PRKG1: variants seen among roughly 807,000 people sequenced by gnomAD.
PRKG1 encodes cGMP-dependent protein kinase 1.
Under a neutral mutation model 88.1 loss-of-function variants are expected in PRKG1, and 35 were observed. That is an observed-to-expected ratio of 0.40 (90% confidence interval 0.30 to 0.53). The LOEUF (loss-of-function observed/expected upper bound fraction) is 0.53. PRKG1 is among the 20% of genes least tolerant of loss of function. The pLI is 0.59. For missense variants in PRKG1, 540 were observed against 839.8 expected (o/e 0.64, Z 4.41); for synonymous variants, 303 against 292.5 (o/e 1.04, Z -0.37).
At chr10:52,107,281 G>T (rs1271538393) in intron 7 of PRKG1, among the ~76,000 whole-genome samples, 1 of 152,212 alleles carries the variant, frequency 6.6e-6, no homozygotes, top group Non-Finnish European at 1.5e-5. Context: ...CCTCTTTTGA[G>T]AAAGAAGTAC....
chr10:51,503,714 TA>T (rs145179960), intron 3 of PRKG1, among the ~76,000 whole-genome samples: 35,648 of 152,058 alleles, frequency 0.23, 4,750 homozygotes, highest in Non-Finnish European at 0.31. Context: ...TGCATCTGGG[TA>T]AAAATAAAAA....
chr10:51,465,655 G>A (rs1419076887), intron 2 of PRKG1, among the ~76,000 whole-genome samples: 2 of 152,098 alleles, frequency 1.3e-5, no homozygotes, highest in Non-Finnish European at 2.9e-5. Flanking sequence ...TTTCTTCTTT[G>A]GATGTGATCT....
intron 3 of PRKG1, among the ~76,000 whole-genome samples, chr10:51,567,567 A>G (rs1648738681): frequency 6.6e-6 from 1 of 152,064 alleles, no homozygotes; most frequent in African/African-American, 2.4e-5. Context: ...TGCAAAATGC[A>G]ATTAACTGGT....
chr10:51,691,553 C>T (rs975186266), intron 3 of PRKG1, among the ~76,000 whole-genome samples: 2 of 152,124 alleles, frequency 1.3e-5, no homozygotes, highest in African/African-American at 4.8e-5. Flanking sequence ...TGGACACAAG[C>T]GATCCTCCAG....
chr10:51,519,020 A>C (rs1221121893), intron 3 of PRKG1, among the ~76,000 whole-genome samples: 1 of 152,208 alleles, frequency 6.6e-6, no homozygotes, highest in Admixed American at 6.5e-5. Context: ...TGTGCTCTGT[A>C]ATTCAGAAAG....
intron 9 of PRKG1, among the ~76,000 whole-genome samples, chr10:52,221,856 A>G (rs1307485010): frequency 6.6e-6 from 1 of 152,218 alleles, no homozygotes; most frequent in Non-Finnish European, 1.5e-5. Flanking sequence ...GTAAAAAGCT[A>G]GCAAACACTA....
chr10:51,000,464 T>A (rs563831235), intron 1 of PRKG1, among the ~76,000 whole-genome samples: 10 of 152,330 alleles, frequency 6.6e-5, no homozygotes, highest in African/African-American at 2.4e-4. Flanking sequence ...AAAATCAGAA[T>A]CTTGACTCTG....
At chr10:51,287,008 G>T (rs964511348) in intron 2 of PRKG1, among the ~76,000 whole-genome samples, 2 of 152,244 alleles carry the variant, frequency 1.3e-5, no homozygotes, top group Admixed American at 1.3e-4. Flanking sequence ...CTCCCAAGTA[G>T]CTGTGTCTAC....
chr10:51,820,860 T>C (rs543042058), intron 4 of PRKG1, among the ~76,000 whole-genome samples: 2 of 152,306 alleles, frequency 1.3e-5, no homozygotes, highest in South Asian at 2.1e-4. Context: ...GTATTTTTTA[T>C]TTCAGTATAT....
At chr10:51,335,607 C>T (rs532971696) in intron 2 of PRKG1, among the ~76,000 whole-genome samples, 2 of 152,204 alleles carry the variant, frequency 1.3e-5, no homozygotes, top group South Asian at 4.1e-4. Context: ...TGTCGGCTTA[C>T]TGCAAACTCG....
chr10:51,623,460 C>A (rs904519356), intron 3 of PRKG1, among the ~76,000 whole-genome samples: 2 of 152,324 alleles, frequency 1.3e-5, no homozygotes, highest in East Asian at 3.9e-4. Flanking sequence ...CTTCAGCCTG[C>A]CAAAGTGCTG....
chr10:51,157,226 C>T (rs1239177389), intron 2 of PRKG1, among the ~76,000 whole-genome samples: 2 of 151,832 alleles, frequency 1.3e-5, no homozygotes, highest in African/African-American at 4.8e-5. Context: ...TATTTTCAAG[C>T]AAAATGAGTT....
At chr10:51,942,910 G>C (rs1226754380) in intron 5 of PRKG1, among the ~76,000 whole-genome samples, 1 of 151,056 alleles carries the variant, frequency 6.6e-6, no homozygotes, top group Non-Finnish European at 1.5e-5. Flanking sequence ...TTGTTCTTTT[G>C]GCTTAGGATT....
intron 3 of PRKG1, among the ~76,000 whole-genome samples, chr10:51,671,083 T>C (rs1589181298): frequency 6.6e-6 from 1 of 152,228 alleles, no homozygotes; most frequent in East Asian, 1.9e-4. Context: ...TTCTAAAGTA[T>C]ATTTTTAGAA....
At chr10:51,227,369 A>T (rs1235823031) in intron 2 of PRKG1, among the ~76,000 whole-genome samples, 3 of 152,170 alleles carry the variant, frequency 2.0e-5, no homozygotes, top group Non-Finnish European at 4.4e-5. Context: ...TCTTGAGGAT[A>T]CTGTGTATGC....
intron 3 of PRKG1, among the ~76,000 whole-genome samples, chr10:51,758,558 T>A: frequency 6.6e-6 from 1 of 152,188 alleles, no homozygotes. Flanking sequence ...GGAAGCAAAC[T>A]AGTCTTGGTT....
At chr10:51,825,131 G>A (rs1402541580) in intron 4 of PRKG1, among the ~76,000 whole-genome samples, 1 of 152,104 alleles carries the variant, frequency 6.6e-6, no homozygotes, top group East Asian at 1.9e-4. Flanking sequence ...TGTAAGAATA[G>A]GTCACTGTAG....
chr10:52,099,155 G>A (rs1847240343), intron 7 of PRKG1, among the ~76,000 whole-genome samples: 1 of 151,964 alleles, frequency 6.6e-6, no homozygotes, highest in South Asian at 2.1e-4. Context: ...CAGTTACACA[G>A]AATACTTTCA....
intron 3 of PRKG1, among the ~76,000 whole-genome samples, chr10:51,693,371 T>G (rs1841196049): frequency 6.6e-6 from 1 of 151,964 alleles, no homozygotes; most frequent in Non-Finnish European, 1.5e-5. Flanking sequence ...GTTTGTTATT[T>G]TTAATGATGT....
Sources: gnomAD v4.1 joint callset for allele counts (sites outside exome capture counted in the v4.1 genomes callset) on GRCh38, gnomAD v4.1.1 for gene constraint, MANE v1.5 for transcripts, NCBI Gene and HGNC (gene_info 2026-07-23, HGNC 2026-07-21) for gene names.